The following PKNOX1 variants were observed in gnomAD, a reference collection of about 807,000 sequenced individuals.
The protein encoded by PKNOX1 is PBX/knotted 1 homeobox 1.
PKNOX1 carries 15 observed loss-of-function variants against 51.9 expected under a neutral mutation model. The observed-to-expected ratio is 0.29, with a 90% CI of 0.19 to 0.45. The LOEUF (loss-of-function observed/expected upper bound fraction) is 0.45, where lower values mean the gene tolerates loss of function less well. PKNOX1 is among the 20% of genes least tolerant of loss of function. The pLI is 1.00. For synonymous variants in PKNOX1, 219 were observed against 211.1 expected (o/e 1.04, Z -0.32); for missense variants, 462 against 547.5 (o/e 0.84, Z 1.56).
chr21:43,032,339 GGC>G lies in PKNOX1; in HGVS notation c.*2239_*2240del. ...TTCCCTCACCACCCTCCGTCTCTTCGGCTGCTTGCTCTTTAGTGTAGATTAGT... is the reference window on the plus strand; with the variant it reads ...TTCCCTCACCACCCTCCGTCTCTTCGTGCTTGCTCTTTAGTGTAGATTAGT... On this transcript the variant is annotated 3_prime_UTR_variant, in exon 11 of 11. Coordinates refer to ENST00000291547, the MANE Select transcript of PKNOX1 (RefSeq NM_004571.5). The G allele has an allele frequency of 5.0e-6, 2 of 396,836 alleles. No homozygotes were observed. The highest frequency in any genetic ancestry group is 1.0e-5 in the Non-Finnish European group (2 of 195,166). The allele number at this position is 396,836 out of a possible 1,614,324, so 24.6% of individuals were successfully genotyped here.
chr21:43,006,616 G>A (rs1270768022), intron 2 of PKNOX1, among the ~76,000 whole-genome samples: 2 of 152,196 alleles, frequency 1.3e-5, no homozygotes, highest in Non-Finnish European at 2.9e-5. Flanking sequence ...AGAGAGCACA[G>A]GGCTGGAGGA....
intron 9 of PKNOX1, among the ~76,000 whole-genome samples, chr21:43,028,109 C>T (rs1174966098): frequency 2.6e-5 from 4 of 152,188 alleles, no homozygotes; most frequent in Non-Finnish European, 5.9e-5. Flanking sequence ...ACTTACGCCT[C>T]CAGTCATCTA....
chr21:42,983,886 T>A (rs1239275104), intron 1 of PKNOX1, among the ~76,000 whole-genome samples: 3 of 152,228 alleles, frequency 2.0e-5, no homozygotes, highest in Non-Finnish European at 4.4e-5. Flanking sequence ...TTGCTTTTTT[T>A]AATAGCAGCC....
rs147353323 is a variant in PKNOX1 at position 42,975,718 on chromosome 21, G to T, written c.-57+1054G>T. 1.2e-4 allele frequency among the ~76,000 whole-genome samples: 19 copies of T among 152,368 alleles called. No homozygotes were observed. In the East Asian group the frequency reaches 3.7e-3, roughly 29 times the overall value. ...CTGAGGTCGGGCCCAGGGCAGGCCA[G>T]GCTGAGCGCCACGGCGGGGCCGCAG... On this transcript the variant is annotated intron_variant, in intron 1 of 10. Coordinates refer to ENST00000291547, the MANE Select transcript of PKNOX1 (RefSeq NM_004571.5).
Position 42,986,750 on chromosome 21 carries a change from CA to C in PKNOX1, c.-57+12090del, listed in dbSNP as rs368121614. ...GAAGGTATTTTGGGAGGACTGGTAA[CA>C]AAACACAATACCTAGAGATGCAGTC... On this transcript the variant is annotated intron_variant, in intron 1 of 10. Coordinates refer to ENST00000291547, the MANE Select transcript of PKNOX1 (RefSeq NM_004571.5). Among the ~76,000 whole-genome samples the C allele has an allele frequency of 5.3e-5, 8 of 152,260 alleles. No homozygotes were observed. In the South Asian group the frequency reaches 6.2e-4, roughly 12 times the overall value.
rs1486521903 is a variant in PKNOX1, at chr21:43,030,137, G to A, written c.*36G>A. ...AGACGCACCTGACTTTTTGGAGTTT[G>A]CACAGCAAACATTTTACACAGTTTT... On this transcript the variant is annotated 3_prime_UTR_variant, in exon 11 of 11. Transcript: ENST00000291547. 1.4e-6 allele frequency: 2 copies of A among 1,456,576 alleles called. No individual in the cohort carries two copies. 90.2% of individuals were successfully genotyped at this position (1,456,576 alleles called of 1,614,324 possible).
rs113566866 is a variant in PKNOX1 at position 43,012,259 on chromosome 21, T to C, written c.352-809T>C. On this transcript the variant is annotated intron_variant, in intron 4 of 10. Coordinates refer to ENST00000291547, the MANE Select transcript of PKNOX1 (RefSeq NM_004571.5). ...ATTACCCCAAAATGTAGTTACTTAATATAAAACTATACAACTTTGGCCAGG... is the reference window on the plus strand; with the variant it reads ...ATTACCCCAAAATGTAGTTACTTAACATAAAACTATACAACTTTGGCCAGG... Among the ~76,000 whole-genome samples, 970 of 152,310 alleles carry C rather than the reference T, an allele frequency of 6.4e-3. 11 individuals are homozygous for C. The highest frequency in any genetic ancestry group is 0.02 in the African/African-American group (814 of 41,560).
intron 1 of PKNOX1, among the ~76,000 whole-genome samples, chr21:42,999,845 A>G (rs984506616): frequency 6.6e-6 from 1 of 152,286 alleles, no homozygotes; most frequent in South Asian, 2.1e-4. Flanking sequence ...TGCTTACTTT[A>G]TAAAACCGAA....
chr21:43,002,404 G>GCCC (rs529068532), intron 1 of PKNOX1, among the ~76,000 whole-genome samples: 1 of 54,612 alleles, frequency 1.8e-5, no homozygotes, highest in Non-Finnish European at 4.6e-5. Context: ...CATTGACTGT[G>GCCC]CCCCCTCCCT....
chr21:42,985,234 T>G lies in PKNOX1; in HGVS notation c.-57+10570T>G, dbSNP rs375299022. Among the ~76,000 whole-genome samples the G allele has an allele frequency of 5.3e-5, 8 of 151,522 alleles. No individual in the cohort carries two copies. In the South Asian group the frequency reaches 6.3e-4, roughly 12 times the overall value. On this transcript the variant is annotated intron_variant, in intron 1 of 10. Transcript: ENST00000291547. ...ACTCCTCACCTCAGGTGATCCACCCTCCTCGGCCTCTCAAAGTGCTGGGAT... is the reference window on the plus strand; with the variant it reads ...ACTCCTCACCTCAGGTGATCCACCCGCCTCGGCCTCTCAAAGTGCTGGGAT...
intron 1 of PKNOX1, among the ~76,000 whole-genome samples, chr21:42,994,918 CTTTT>C (rs11361350): frequency 2.6e-5 from 3 of 113,574 alleles, no homozygotes; most frequent in African/African-American, 3.4e-5. Context: ...TTTCTTTCTT[CTTTT>C]TTTTTTTTTT....
At chr21:42,996,891 A>AC (rs1555859217) in intron 1 of PKNOX1, among the ~76,000 whole-genome samples, 2 of 145,248 alleles carry the variant, frequency 1.4e-5, no homozygotes, top group Non-Finnish European at 3.0e-5. Context: ...TTTGTATTTG[A>AC]TTTTTTTTTT....
chr21:42,990,019 G>A (rs2059077648), intron 1 of PKNOX1, among the ~76,000 whole-genome samples: 1 of 151,896 alleles, frequency 6.6e-6, no homozygotes, highest in Non-Finnish European at 1.5e-5. Flanking sequence ...GGTTGCTTGA[G>A]TGAGGGAGGT....
rs1244939877 is a variant in PKNOX1, at chr21:43,021,924, C to A, written c.849+493C>A. The stretch of plus-strand genomic sequence containing the variant: ...CAGCACGTGTGCACCCGGCTTCCTC[C>A]CCCGGGCCATGGCCGCGTCTTCTCC... On this transcript the variant is annotated intron_variant, in intron 8 of 10. Transcript: ENST00000291547. This position sits in a 1 kb window ranked among gnomAD's most constrained non-coding sequence, Gnocchi z 4.6. Among the ~76,000 whole-genome samples the A allele has an allele frequency of 3.3e-5, 5 of 152,212 alleles. No individual in the cohort carries two copies. The highest frequency in any genetic ancestry group is 7.2e-5 in the African/African-American group (3 of 41,454).
chr21:42,983,841 C>T (rs1481562364), intron 1 of PKNOX1, among the ~76,000 whole-genome samples: 3 of 152,038 alleles, frequency 2.0e-5, no homozygotes, highest in South Asian at 2.1e-4. Context: ...CCAGTTTCTC[C>T]GTATCTTACC....
chr21:43,004,353 T>G lies in PKNOX1; in HGVS notation c.-29T>G, dbSNP rs1434154954. On this transcript the variant is annotated 5_prime_UTR_variant, in exon 2 of 11. Coordinates refer to ENST00000291547, the MANE Select transcript of PKNOX1 (RefSeq NM_004571.5). ...ACCATTCGCTTTTCACCCAAGATGA[T>G]TTGATGTCTTATAAAACTCTGATGA... 6 of 1,514,402 alleles carry G rather than the reference T, an allele frequency of 4.0e-6. No individual in the cohort carries two copies. Among genetic ancestry groups the G allele is most frequent in the Non-Finnish European group, 5.5e-6 (6 of 1,089,242 alleles). The allele number at this position is 1,514,402 out of a possible 1,614,324, so 93.8% of individuals were successfully genotyped here.
In PKNOX1 at chr21:43,029,885, C is replaced by T. The variant is rs1465654432; in HGVS notation, c.1100-5C>T. On this transcript the variant is annotated splice_region_variant and splice_polypyrimidine_tract_variant and intron_variant, in intron 10 of 10. Coordinates refer to ENST00000291547, the MANE Select transcript of PKNOX1 (RefSeq NM_004571.5). Reference sequence around the variant, plus strand: ...AAATAATGACACACCTTCATCCTGCCGCAGGAGCTGTTGTCACCATCACCA... The same window carrying T: ...AAATAATGACACACCTTCATCCTGCTGCAGGAGCTGTTGTCACCATCACCA... 6.8e-6 allele frequency: 11 copies of T among 1,610,042 alleles called. No individual in the cohort carries two copies. The highest frequency in any genetic ancestry group is 3.3e-5 in the Admixed American group (2 of 59,904).
Position 43,018,221 on chromosome 21 carries a change from G to C in PKNOX1, c.711G>C (p.Gln237His). The C allele has an allele frequency of 1.9e-6, 3 of 1,612,344 alleles. No individual in the cohort carries two copies. The Admixed American group carries it at 5.0e-5, about 27-fold the overall frequency. Residue 237 changes from glutamine to histidine, a missense_variant, in exon 7 of 11, where the codon CAG becomes CAC. Around this residue, in one of 5 missense-constraint regions of PKNOX1, gnomAD observed 126 missense variants for 128.1 expected, o/e 0.98. Coordinates refer to ENST00000291547, the MANE Select transcript of PKNOX1 (RefSeq NM_004571.5). ...TGTCGCCTGGGACAATTAGGATCCA[G>C]AACTCCCAGGTGCGTGCGCCATTTT... is the stretch of plus-strand genomic sequence containing the variant. ...QTLSPGTIRI[Q>H]NSQLQLQLNQ...
In PKNOX1 at chr21:43,021,543, A is replaced by T; in HGVS notation, c.849+112A>T. On this transcript the variant is annotated intron_variant, in intron 8 of 10. Transcript: ENST00000291547. The surrounding 1 kb of genome is among the most constrained non-coding windows in gnomAD (Gnocchi z 4.6). The stretch of plus-strand genomic sequence containing the variant: ...CTGGGCTCAGAAAATCAAAGGCCTG[A>T]CTTTCAGGACTTTGTGGCATGTCCA... The T allele has an allele frequency of 8.0e-7, 1 of 1,245,896 alleles. No individual in the cohort carries two copies. Among genetic ancestry groups the T allele is most frequent in the South Asian group, 1.5e-5 (1 of 65,230 alleles). The allele number at this position is 1,245,896 out of a possible 1,614,324, so 77.2% of individuals were successfully genotyped here. A position where few individuals can be genotyped will look rare whatever the true frequency, so the allele number is the denominator to read the frequency against.
Sources: gnomAD v4.1 joint callset for allele counts (sites outside exome capture counted in the v4.1 genomes callset) on GRCh38, gnomAD v4.1.1 for gene constraint, gnomAD v4.1.1 regional missense constraint, Gnocchi (gnomAD v3.1) non-coding constraint, MANE v1.5 for transcripts, NCBI Gene and HGNC (gene_info 2026-07-23, HGNC 2026-07-21) for gene names.